The following PRDM16 variants were observed in gnomAD, a reference collection of about 807,000 sequenced individuals.
PRDM16 encodes histone-lysine N-methyltransferase PRDM16.
A neutral mutation model predicts 110.6 loss-of-function variants in PRDM16; 23 were observed. The ratio of observed to expected loss-of-function variants is 0.21; its 90% CI spans 0.15 to 0.29. PRDM16 has a LOEUF of 0.29. Ranked by LOEUF, PRDM16 falls within the 10% of genes least tolerant of loss-of-function variation. The pLI is 1.00. For synonymous variants in PRDM16, 799 were observed against 781.8 expected, an observed-to-expected ratio of 1.02 and a Z score of -0.37; for missense variants, 1,615 against 1,794.3, an observed-to-expected ratio of 0.90 and a Z score of 1.81.
At chr1:3,132,788 A>C (rs1274283767) in intron 1 of PRDM16, 1 of 152,238 alleles carries the variant, frequency 6.6e-6, no homozygotes, top group Non-Finnish European at 1.5e-5. Context: ...ACATCTGATT[A>C]GGAATTCCCC....
chr1:3,111,975 C>G (rs1642806791), intron 1 of PRDM16, among the ~76,000 whole-genome samples: 1 of 152,080 alleles, frequency 6.6e-6, no homozygotes, highest in Admixed American at 6.6e-5. Context: ...TGGGCCGGCG[C>G]GGCGGCGAGG....
intron 6 of PRDM16, among the ~76,000 whole-genome samples, 159 bp downstream of exon 6, chr1:3,403,157 G>C (rs952396828): frequency 6.6e-6 from 1 of 152,136 alleles, no homozygotes; most frequent in African/African-American, 2.4e-5. Context: ...CACACCCTGG[G>C]GATATGTGCC....
rs746597198 is a variant in PRDM16, at chr1:3,396,575, G to A, written c.658G>A (p.Val220Met). Reference sequence around the variant, plus strand: ...GGAAGGCGTCTACCCCCTGGGCACAGTGCCGCCCGGCCTGGACGGTAAGAC... The same window carrying A: ...GGAAGGCGTCTACCCCCTGGGCACAATGCCGCCCGGCCTGGACGGTAAGAC... ...VKEGVYPLGT[V>M]PPGLDEEPTF... Residue 220 changes from valine (V) to methionine (M), a missense_variant, in exon 5 of 17, where the codon GTG becomes ATG. Val to Met is a conservative substitution (Grantham distance 21). Coordinates refer to ENST00000270722, the MANE Select transcript of PRDM16 (RefSeq NM_022114.4). 10 of 1,591,602 alleles carry A rather than the reference G, an allele frequency of 6.3e-6. No homozygotes were observed. The highest frequency in any genetic ancestry group is 1.1e-5 in the South Asian group (1 of 87,802).
At chr1:3,094,711 G>T (rs1316822207) in intron 1 of PRDM16, among the ~76,000 whole-genome samples, 1 of 152,216 alleles carries the variant, frequency 6.6e-6, no homozygotes, top group African/African-American at 2.4e-5. Flanking sequence ...TGTGAGCACC[G>T]GCCCAGCAAG....
chr1:3,333,624 A>G (rs532306306), intron 3 of PRDM16, among the ~76,000 whole-genome samples: 1 of 149,510 alleles, frequency 6.7e-6, no homozygotes, highest in East Asian at 1.9e-4. Context: ...GCCAAGAGCC[A>G]TCGCGGCTAA....
intron 1 of PRDM16, among the ~76,000 whole-genome samples, chr1:3,166,372 C>T (rs537425796): frequency 5.1e-4 from 78 of 152,358 alleles, no homozygotes; most frequent in African/African-American, 1.8e-3. Flanking sequence ...GGGGAACCCT[C>T]GGAGGTTTTC....
rs1034401350 is a variant in PRDM16, at chr1:3,405,554, G to A, written c.1092G>A (p.Arg364=). The A allele has an allele frequency of 2.5e-6, 4 of 1,609,290 alleles. No individual in the cohort carries two copies. The African/African-American group carries it at 5.4e-5, about 22-fold the overall frequency. The change falls in exon 8 of 17, where the codon CGG becomes CGA. Residue 364 remains arginine (R), a synonymous_variant. Coordinates refer to ENST00000270722, the MANE Select transcript of PRDM16 (RefSeq NM_022114.4). ...TCCGCTCGCAGCACGTGGGCGCTCG[G>A]GCCCACGCCTGCCCCGACTGCGGGA... ...RHIRSQHVGA[R]AHACPDCGKT... is the part of the protein sequence containing the mutation.
At chr1:3,140,119 C>A (rs921352053) in intron 1 of PRDM16, among the ~76,000 whole-genome samples, 2 of 152,250 alleles carry the variant, frequency 1.3e-5, no homozygotes, top group Non-Finnish European at 2.9e-5. Flanking sequence ...GGGAAGCGAT[C>A]ATTTCTTTCA....
At chr1:3,092,994 C>A (rs1196011419) in intron 1 of PRDM16, among the ~76,000 whole-genome samples, 1 of 152,138 alleles carries the variant, frequency 6.6e-6, no homozygotes, top group Non-Finnish European at 1.5e-5. Flanking sequence ...ACCGAGGTGG[C>A]GTCCCACCTC....
At chr1:3,179,026 C>T (rs903878274) in intron 1 of PRDM16, among the ~76,000 whole-genome samples, 3 of 152,196 alleles carry the variant, frequency 2.0e-5, no homozygotes, top group African/African-American at 7.2e-5. Flanking sequence ...GGGGGTGACC[C>T]GATGCTGCAC....
At position 3,432,608 on chromosome 1, in the gene PRDM16, G is replaced by C. The variant is rs1638797975; in HGVS notation, c.3696+468G>C. Among the ~76,000 whole-genome samples, 6 of 152,166 alleles carry C rather than the reference G, an allele frequency of 3.9e-5. No individual in the cohort carries two copies. The South Asian group carries it at 1.2e-3, about 32-fold the overall frequency. On this transcript the variant is annotated intron_variant, in intron 16 of 16. Coordinates refer to ENST00000270722, the MANE Select transcript of PRDM16 (RefSeq NM_022114.4). Reference sequence around the variant, plus strand: ...GGGTTTTGGCCCCAGGCGCTTCTCGGCTTCTCTCCTCAGGGTAGGTGGCCC... The same window carrying C: ...GGGTTTTGGCCCCAGGCGCTTCTCGCCTTCTCTCCTCAGGGTAGGTGGCCC...
intron 1 of PRDM16, among the ~76,000 whole-genome samples, chr1:3,134,233 G>T (rs985995430): frequency 2.6e-5 from 4 of 152,216 alleles, no homozygotes; most frequent in African/African-American, 9.6e-5. Context: ...ACAGAGAGGG[G>T]ATTGTGTGGA....
intron 1 of PRDM16, among the ~76,000 whole-genome samples, chr1:3,132,557 T>C (rs996422558): frequency 1.3e-5 from 2 of 152,010 alleles, no homozygotes; most frequent in African/African-American, 4.8e-5. Flanking sequence ...TCCAAATGGC[T>C]CTCCCCTCCA....
chr1:3,240,570 C>G (rs1639646567), intron 2 of PRDM16, among the ~76,000 whole-genome samples: 1 of 152,202 alleles, frequency 6.6e-6, no homozygotes, highest in Non-Finnish European at 1.5e-5. Context: ...GTCCACCTCC[C>G]GCTGGTATGG....
intron 2 of PRDM16, among the ~76,000 whole-genome samples, chr1:3,217,692 G>A (rs1487082561): frequency 6.6e-6 from 1 of 152,248 alleles, no homozygotes; most frequent in Non-Finnish European, 1.5e-5. Context: ...CCTGGGGCCA[G>A]GTCCCCGTGC....
At chr1:3,328,119 C>T (rs947804573) in intron 3 of PRDM16, among the ~76,000 whole-genome samples, 65 of 152,222 alleles carry the variant, frequency 4.3e-4, no homozygotes, top group African/African-American at 1.5e-3. Context: ...AGGCGAGGCC[C>T]CTGCCGGGCC....
rs751661453 is a variant in PRDM16, at chr1:3,411,545, C to A, written c.1348C>A (p.His450Asn). Residue 450 changes from histidine to asparagine, a missense_variant, in exon 9 of 17, where the codon CAT (histidine) becomes AAT (asparagine). Around this residue, in one of 5 missense-constraint regions of PRDM16, gnomAD observed 772 missense variants for 748.3 expected, o/e 1.03. Transcript: ENST00000270722. ...CCGGCGCTTCTGCGAGGGCAAGAACCATTACACGCCGGGCGGCATCTTTGC... is the reference window on the plus strand; with the variant it reads ...CCGGCGCTTCTGCGAGGGCAAGAACAATTACACGCCGGGCGGCATCTTTGC... ...KHRRFCEGKN[H>N]YTPGGIFAPG... 1 of 1,614,162 alleles carries A rather than the reference C, an allele frequency of 6.2e-7. No homozygotes were observed. Among genetic ancestry groups the A allele is most frequent in the Non-Finnish European group, 8.5e-7 (1 of 1,180,040 alleles).
chr1:3,414,497 A>G, intron 9 of PRDM16, 63 bp from the exon 10 acceptor site: 2 of 1,307,616 alleles, frequency 1.5e-6, no homozygotes, highest in Admixed American at 3.7e-5. Flanking sequence ...GGCTCTGTGG[A>G]GCGGGTGGCT....
At chr1:3,302,591 C>G (rs1485651639) in intron 3 of PRDM16, among the ~76,000 whole-genome samples, 1 of 152,182 alleles carries the variant, frequency 6.6e-6, no homozygotes, top group African/African-American at 2.4e-5. Context: ...TCGAGCCATC[C>G]TCACTGTAAC....
Sources: gnomAD v4.1 joint callset for allele counts (sites outside exome capture counted in the v4.1 genomes callset) on GRCh38, gnomAD v4.1.1 for gene constraint, gnomAD v4.1.1 regional missense constraint, MANE v1.5 for transcripts, NCBI Gene and HGNC (gene_info 2026-07-23, HGNC 2026-07-21) for gene names.